Variants in AGBL4 observed in about 807,000 individuals in gnomAD.
AGBL4 encodes cytosolic carboxypeptidase 6.
In AGBL4, 58 loss-of-function variants were observed where a neutral mutation model predicts 66.4. The ratio of observed to expected loss-of-function variants is 0.87; its 90% confidence interval spans 0.71 to 1.09. AGBL4 has a LOEUF of 1.09. Among genes scored for constraint, AGBL4 ranks in the 50% least tolerant of loss-of-function variants. The pLI is 0.00. For synonymous variants in AGBL4, 234 were observed against 222.9 expected (o/e 1.05, Z -0.44); for missense variants, 579 against 631.0 (o/e 0.92, Z 0.88).
At chr1:49,261,047 A>G (rs1415609710) in intron 3 of AGBL4, among the ~76,000 whole-genome samples, 1 of 152,058 alleles carries the variant, frequency 6.6e-6, no homozygotes, top group Non-Finnish European at 1.5e-5. Context: ...AACAAAACCA[A>G]AGACAAAAAC....
At chr1:48,712,977 T>C (rs6679738) in intron 6 of AGBL4, among the ~76,000 whole-genome samples, 11,703 of 152,178 alleles carry the variant, frequency 0.077, 734 homozygotes, top group African/African-American at 0.18. Flanking sequence ...GAACTGCTTG[T>C]CACTCCCAGG....
chr1:49,150,487 T>TG (rs1646306863), intron 4 of AGBL4, among the ~76,000 whole-genome samples: 1 of 152,164 alleles, frequency 6.6e-6, no homozygotes, highest in Non-Finnish European at 1.5e-5. Context: ...TGACTTGTCT[T>TG]TAAGAGGAGA....
intron 4 of AGBL4, among the ~76,000 whole-genome samples, chr1:49,176,227 T>C (rs1646828998): frequency 6.6e-6 from 1 of 152,202 alleles, no homozygotes; most frequent in African/African-American, 2.4e-5. Context: ...TGGCCAATTA[T>C]TAGTAAACTG....
intron 4 of AGBL4, among the ~76,000 whole-genome samples, chr1:49,126,843 T>C (rs924657269): frequency 2.0e-5 from 3 of 152,146 alleles, no homozygotes; most frequent in Non-Finnish European, 4.4e-5. Context: ...TTTATCTTTA[T>C]ATCAAAAAAT....
At chr1:49,890,674 A>G (rs1164964496) in intron 1 of AGBL4, among the ~76,000 whole-genome samples, 1 of 152,184 alleles carries the variant, frequency 6.6e-6, no homozygotes. Flanking sequence ...ACTCTAGGCA[A>G]TATAACTGTA....
At chr1:49,364,163 C>T (rs1422208593) in intron 3 of AGBL4, among the ~76,000 whole-genome samples, 1 of 152,138 alleles carries the variant, frequency 6.6e-6, no homozygotes, top group African/African-American at 2.4e-5. Flanking sequence ...TATTGTATAA[C>T]AAATTAATTA....
At chr1:49,182,029 C>G (rs536815220) in intron 4 of AGBL4, among the ~76,000 whole-genome samples, 2 of 152,134 alleles carry the variant, frequency 1.3e-5, no homozygotes, top group Admixed American at 6.6e-5. Context: ...CTGAGGCATA[C>G]GACTAACTGC....
intron 3 of AGBL4, among the ~76,000 whole-genome samples, chr1:49,472,353 C>T (rs1448722011): frequency 6.6e-6 from 1 of 151,932 alleles, no homozygotes; most frequent in African/African-American, 2.4e-5. Context: ...GATACGAACA[C>T]AGATATGGCA....
At chr1:50,010,598 T>C (rs572158936) in intron 1 of AGBL4, among the ~76,000 whole-genome samples, 1 of 152,050 alleles carries the variant, frequency 6.6e-6, no homozygotes, top group Admixed American at 6.5e-5. Context: ...CAAAATAGCA[T>C]GGTACTGGCA....
At chr1:48,746,722 C>T (rs1293407925) in intron 6 of AGBL4, among the ~76,000 whole-genome samples, 1 of 152,176 alleles carries the variant, frequency 6.6e-6, no homozygotes, top group African/African-American at 2.4e-5. Flanking sequence ...GTCAGGTCAT[C>T]TTACCCTCTC....
intron 5 of AGBL4, among the ~76,000 whole-genome samples, chr1:48,958,586 G>A (rs528066824): frequency 6.6e-6 from 1 of 152,342 alleles, no homozygotes; most frequent in South Asian, 2.1e-4. Flanking sequence ...TTTACAGCAA[G>A]GGAAGTCCTG....
At chr1:49,051,614 A>G (rs1380493223) in intron 4 of AGBL4, among the ~76,000 whole-genome samples, 1 of 152,152 alleles carries the variant, frequency 6.6e-6, no homozygotes, top group Non-Finnish European at 1.5e-5. Context: ...GCTATCACCT[A>G]GCTTGAGCCA....
chr1:49,712,586 A>G (rs980270156), intron 2 of AGBL4, among the ~76,000 whole-genome samples: 2 of 151,922 alleles, frequency 1.3e-5, no homozygotes, highest in Admixed American at 1.3e-4. Flanking sequence ...ATTTGCTGAG[A>G]GTAGATTTTA....
At chr1:49,447,239 C>A (rs934252690) in intron 3 of AGBL4, among the ~76,000 whole-genome samples, 3 of 152,172 alleles carry the variant, frequency 2.0e-5, no homozygotes, top group African/African-American at 7.2e-5. Context: ...CTTCTCACAG[C>A]CCCAAACAGG....
At chr1:48,542,301 T>C (rs191553386) in intron 11 of AGBL4, among the ~76,000 whole-genome samples, 3 of 152,346 alleles carry the variant, frequency 2.0e-5, no homozygotes, top group African/African-American at 7.2e-5. Context: ...ACAATAAACA[T>C]ACGTGTGCAT....
At chr1:49,966,344 T>C (rs1381652936) in intron 1 of AGBL4, among the ~76,000 whole-genome samples, 4 of 152,226 alleles carry the variant, frequency 2.6e-5, no homozygotes, top group Non-Finnish European at 4.4e-5. Context: ...TAAAATTGTA[T>C]CCTGTTTCTG....
chr1:49,459,658 T>A (rs1473299449), intron 3 of AGBL4, among the ~76,000 whole-genome samples: 1 of 151,740 alleles, frequency 6.6e-6, no homozygotes, highest in Admixed American at 6.6e-5. Flanking sequence ...TCCTTCAATT[T>A]CATTTAGTTC....
intron 2 of AGBL4, among the ~76,000 whole-genome samples, chr1:49,786,990 C>T (rs114244325): frequency 0.015 from 2,327 of 152,260 alleles, 65 homozygotes; most frequent in African/African-American, 0.054. Context: ...TCACCTAAAG[C>T]CTTCTCAAAG....
chr1:49,183,243 C>A (rs916732963), intron 4 of AGBL4, among the ~76,000 whole-genome samples: 1 of 152,150 alleles, frequency 6.6e-6, no homozygotes, highest in African/African-American at 2.4e-5. Flanking sequence ...GTTTGCTTAG[C>A]ACATGTGTAT....
Sources: gnomAD v4.1 joint callset for allele counts (sites outside exome capture counted in the v4.1 genomes callset) on GRCh38, gnomAD v4.1.1 for gene constraint, MANE v1.5 for transcripts, NCBI Gene and HGNC (gene_info 2026-07-23, HGNC 2026-07-21) for gene names.